SCAP: variants seen among roughly 807,000 people sequenced by gnomAD.
SCAP encodes SREBF chaperone, also known as sterol regulatory element-binding protein cleavage-activating protein.
In SCAP, 65 loss-of-function variants were observed where a neutral mutation model predicts 123.6. The observed-to-expected ratio is 0.53, with a 90% CI of 0.43 to 0.65. The LOEUF (loss-of-function observed/expected upper bound fraction) is 0.65. SCAP is among the 30% of genes least tolerant of loss of function. SCAP has a pLI of 0.00. For synonymous variants in SCAP, 740 were observed against 726.3 expected (o/e 1.02, Z -0.30); for missense variants, 1,398 against 1,712.5 (o/e 0.82, Z 3.24).
intron 2 of SCAP, among the ~76,000 whole-genome samples, chr3:47,438,429 A>ACAGAAT (rs111539100): frequency 6.6e-6 from 1 of 152,002 alleles, no homozygotes; most frequent in Non-Finnish European, 1.5e-5. Context: ...AACGACTACA[A>ACAGAAT]GTGATCAGAA....
At chr3:47,418,626 T>TGCCCC in intron 14 of SCAP, 29 bp downstream of exon 14, 5 of 1,459,550 alleles carry the variant, frequency 3.4e-6, no homozygotes, top group Non-Finnish European at 4.7e-6. Flanking sequence ...CCGCACTCTT[T>TGCCCC]CCCACCCCAC....
chr3:47,422,610 C>T (rs1287404725), intron 9 of SCAP, 74 bp from the exon 10 acceptor site: 5 of 1,270,736 alleles, frequency 3.9e-6, no homozygotes, highest in Non-Finnish European at 4.4e-6. Flanking sequence ...CCTCATGGGC[C>T]TCGGAGTGGC....
chr3:47,472,948 T>G (rs1029983711), intron 1 of SCAP, among the ~76,000 whole-genome samples: 2 of 151,478 alleles, frequency 1.3e-5, no homozygotes, highest in Non-Finnish European at 2.9e-5. Context: ...GGCGTGGTAG[T>G]GCATGCCTGT....
chr3:47,460,847 C>T (rs747222086), intron 1 of SCAP, among the ~76,000 whole-genome samples: 3 of 152,130 alleles, frequency 2.0e-5, no homozygotes, highest in Admixed American at 6.6e-5. Context: ...TGAGCCACTG[C>T]GCCCAGCAAG....
At chr3:47,415,076 T>G in intron 19 of SCAP, 22 bp downstream of exon 19, 1 of 1,588,714 alleles carries the variant, frequency 6.3e-7, no homozygotes, top group Non-Finnish European at 8.5e-7. Context: ...TGTGAACACC[T>G]GCCCACCCCA....
At position 47,440,768 on chromosome 3, in the gene SCAP, G is replaced by GAGAATC. The variant is rs1047224567; in HGVS notation, c.122+2098_122+2103dup. Among the ~76,000 whole-genome samples the GAGAATC allele has an allele frequency of 5.8e-4, 88 of 152,270 alleles. 1 individual carries two copies. Among genetic ancestry groups the GAGAATC allele is most frequent in the African/African-American group, 2.1e-3 (86 of 41,552 alleles). ...CCAACTACTCAGAGGGCTGAGGTAG[G>GAGAATC]AGAATCACTTGAGCCCATGAAGTCG... On this transcript the variant is annotated intron_variant, in intron 2 of 22. Coordinates refer to ENST00000265565, the MANE Select transcript of SCAP (RefSeq NM_012235.4).
At chr3:47,465,843 A>AC (rs931593473) in intron 1 of SCAP, among the ~76,000 whole-genome samples, 21 of 65,314 alleles carry the variant, frequency 3.2e-4, no homozygotes, top group South Asian at 1.2e-3. Context: ...TAAAAAAACA[A>AC]AAAAAAAAAA....
chr3:47,457,493 A>G (rs2107980098), intron 1 of SCAP, among the ~76,000 whole-genome samples: 1 of 152,268 alleles, frequency 6.6e-6, no homozygotes, highest in East Asian at 1.9e-4. Flanking sequence ...CCTGGTGCTG[A>G]GCAGAAAGTC....
intron 2 of SCAP, among the ~76,000 whole-genome samples, chr3:47,440,659 AG>A (rs1706759556): frequency 6.6e-6 from 1 of 152,198 alleles, no homozygotes; most frequent in African/African-American, 2.4e-5. Context: ...TCACGAGCTC[AG>A]GAGTTTGAGA....
intron 13 of SCAP, 76 bp from the exon 14 acceptor site, chr3:47,418,919 C>G: frequency 7.2e-7 from 1 of 1,380,120 alleles, no homozygotes; most frequent in Non-Finnish European, 9.5e-7. Context: ...AGCCAGTCCT[C>G]TCCCTCCTCC....
chr3:47,437,550 G>A (rs1706631195), intron 2 of SCAP, among the ~76,000 whole-genome samples: 1 of 151,952 alleles, frequency 6.6e-6, no homozygotes, highest in South Asian at 2.1e-4. Flanking sequence ...AGACCAGCCT[G>A]GGCAACATGG....
intron 2 of SCAP, among the ~76,000 whole-genome samples, chr3:47,441,635 T>C (rs1706808337): frequency 1.3e-5 from 2 of 152,084 alleles, no homozygotes; most frequent in Non-Finnish European, 2.9e-5. Context: ...AATACAAACA[T>C]ACTGAGCCAG....
Position 47,419,236 on chromosome 3 carries a change from A to C in SCAP, c.1940+92T>G, listed in dbSNP as rs538238778. 6.8e-7 allele frequency: 1 copy of C among 1,463,020 alleles called. No homozygotes were observed. Among genetic ancestry groups the C allele is most frequent in the East Asian group, 2.3e-5 (1 of 43,710 alleles). 90.6% of individuals were successfully genotyped at this position (1,463,020 alleles called of 1,614,324 possible). ...CTTATGAACTGTTTTAATTATTTGC[A>C]TAATTCAAACCTGTGGGCCTCCTGC... On this transcript the variant is annotated intron_variant, in intron 13 of 22. Coordinates refer to ENST00000265565, the MANE Select transcript of SCAP (RefSeq NM_012235.4). This position sits in a 1 kb window ranked among gnomAD's most constrained non-coding sequence, Gnocchi z 5.0.
chr3:47,414,501 A>T, intron 21 of SCAP, 71 bp downstream of exon 21: 1 of 1,597,306 alleles, frequency 6.3e-7, no homozygotes, highest in Non-Finnish European at 8.6e-7. Flanking sequence ...GCCCCTGGGG[A>T]CCAGCTCCCA....
Position 47,426,144 on chromosome 3 carries a change from G to C in SCAP, c.763C>G (p.Leu255Val). The C allele has an allele frequency of 6.2e-7, 1 of 1,613,690 alleles. No homozygotes were observed. The highest frequency in any genetic ancestry group is 2.2e-5 in the East Asian group (1 of 44,838). Residue 255 changes from leucine to valine, a missense_variant, in exon 7 of 23, where the codon CTG (leucine) becomes GTG (valine). By Grantham distance (32) the Leu-to-Val change is conservative (BLOSUM62 1). Around this residue, in one of 7 missense-constraint regions of SCAP, gnomAD observed 319 missense variants for 432.4 expected, o/e 0.74. Transcript: ENST00000265565. ...TTGGGGCTGGGGTGCAGAAGCATCA[G>C]GCGGGCACGCAGGCTGCCCAGGAAC... ...AKFLGSLRAR[L>V]MLLHPSPNCS...
At chr3:47,473,080 C>CAAAAAAAAAAAAAAAAAAAAACA (rs34472664) in intron 1 of SCAP, among the ~76,000 whole-genome samples, 3 of 38,060 alleles carry the variant, frequency 7.9e-5, no homozygotes, top group Admixed American at 9.1e-4. Context: ...AACTCCATCT[C>CAAAAAAAAAAAAAAAAAAAAACA]AAAAAAAAAA....
chr3:47,421,232 C>T, intron 10 of SCAP: 1 of 603,714 alleles, frequency 1.7e-6, no homozygotes, highest in Non-Finnish European at 3.0e-6. Context: ...AGAAGAAACC[C>T]TCACACTTTC....
chr3:47,453,438 T>C lies in SCAP; in HGVS notation c.-98-10347A>G, dbSNP rs542061341. On this transcript the variant is annotated intron_variant, in intron 1 of 22. Transcript: ENST00000265565. The stretch of plus-strand genomic sequence containing the variant: ...GCTTATGTCACCCCTTGCACAAAAG[T>C]TCTGAATGGCTCTCCAGTGCCTGCA... 9.2e-5 allele frequency among the ~76,000 whole-genome samples: 14 copies of C among 152,194 alleles called. No individual in the cohort carries two copies. In the South Asian group the frequency reaches 2.7e-3, roughly 29 times the overall value.
At chr3:47,460,739 G>A (rs966734476) in intron 1 of SCAP, among the ~76,000 whole-genome samples, 1 of 152,026 alleles carries the variant, frequency 6.6e-6, no homozygotes, top group Non-Finnish European at 1.5e-5. Context: ...CTTATTTTTA[G>A]TAGATATGGG....
Sources: gnomAD v4.1 joint callset for allele counts (sites outside exome capture counted in the v4.1 genomes callset) on GRCh38, gnomAD v4.1.1 for gene constraint, gnomAD v4.1.1 regional missense constraint, Gnocchi (gnomAD v3.1) non-coding constraint, MANE v1.5 for transcripts, NCBI Gene and HGNC (gene_info 2026-07-23, HGNC 2026-07-21) for gene names.